Variants in MSH3 observed in about 807,000 individuals in gnomAD.
The protein encoded by MSH3 is DNA mismatch repair protein Msh3.
A neutral mutation model predicts 123.3 loss-of-function variants in MSH3; 106 were observed. The observed-to-expected ratio is 0.86, with a 90% CI of 0.73 to 1.01. The LOEUF (loss-of-function observed/expected upper bound fraction) is 1.01. MSH3 is among the 50% of genes least tolerant of loss of function. The pLI is 0.00. For missense variants in MSH3, 1,459 were observed against 1,347.6 expected (o/e 1.08, Z -1.29); for synonymous variants, 515 against 481.4 (o/e 1.07, Z -0.91).
intron 20 of MSH3, among the ~76,000 whole-genome samples, chr5:80,827,691 T>A (rs1342240996): frequency 1.3e-5 from 2 of 152,214 alleles, no homozygotes; most frequent in East Asian, 3.8e-4. Context: ...ACACTAGTTA[T>A]CTTATTTCAT....
At chr5:80,743,065 T>G (rs28058) in intron 11 of MSH3, among the ~76,000 whole-genome samples, 1 of 152,016 alleles carries the variant, frequency 6.6e-6, no homozygotes, top group East Asian at 1.9e-4. Flanking sequence ...CCACCGCCCC[T>G]CGCCCACCTT....
At chr5:80,740,369 T>C (rs1415120699) in intron 10 of MSH3, among the ~76,000 whole-genome samples, 3 of 151,740 alleles carry the variant, frequency 2.0e-5, no homozygotes, top group Admixed American at 6.6e-5. Flanking sequence ...TCTTTTTTTT[T>C]TTTTTGGAGA....
At chr5:80,812,564 G>A (rs569067564) in intron 19 of MSH3, among the ~76,000 whole-genome samples, 11 of 147,340 alleles carry the variant, frequency 7.5e-5, no homozygotes, top group African/African-American at 2.7e-4. Context: ...ATGCTAGCTA[G>A]GCCCATTGGC....
chr5:80,785,522 G>A (rs1340027638), intron 17 of MSH3, among the ~76,000 whole-genome samples: 1 of 152,298 alleles, frequency 6.6e-6, no homozygotes, highest in Non-Finnish European at 1.5e-5. Flanking sequence ...CTGTAACCTA[G>A]TTCAACCATT....
At chr5:80,864,220 A>G (rs954831063) in intron 21 of MSH3, among the ~76,000 whole-genome samples, 3 of 152,186 alleles carry the variant, frequency 2.0e-5, no homozygotes, top group African/African-American at 7.2e-5. Flanking sequence ...AATTTGGGTA[A>G]GATAAAAAAA....
intron 12 of MSH3, among the ~76,000 whole-genome samples, chr5:80,745,791 C>G (rs1743708004): frequency 6.6e-6 from 1 of 152,170 alleles, no homozygotes; most frequent in Admixed American, 6.5e-5. Flanking sequence ...ATGCTAGGAG[C>G]TTTATGAGCA....
At chr5:80,762,931 C>T (rs1421379552) in intron 13 of MSH3, among the ~76,000 whole-genome samples, 1 of 151,932 alleles carries the variant, frequency 6.6e-6, no homozygotes, top group African/African-American at 2.4e-5. Flanking sequence ...ACTGCAACCT[C>T]TACCTCCCAG....
chr5:80,762,006 GA>G (rs201855246), intron 13 of MSH3, among the ~76,000 whole-genome samples: 30 of 146,316 alleles, frequency 2.1e-4, no homozygotes, highest in African/African-American at 2.5e-4. Flanking sequence ...TGTTATTTTA[GA>G]AAAAAAAAAC....
chr5:80,771,867 A>T (rs1744217886), intron 15 of MSH3, among the ~76,000 whole-genome samples: 1 of 152,116 alleles, frequency 6.6e-6, no homozygotes, highest in Non-Finnish European at 1.5e-5. Flanking sequence ...ATGATTCCTT[A>T]TTGTCTCTAT....
At chr5:80,765,823 A>G (rs1744111980) in intron 13 of MSH3, among the ~76,000 whole-genome samples, 1 of 152,178 alleles carries the variant, frequency 6.6e-6, no homozygotes, top group African/African-American at 2.4e-5. Context: ...TATATCCTCT[A>G]GAACCTTCCT....
At chr5:80,744,436 G>T in intron 11 of MSH3, 70 bp from the exon 12 acceptor site, 1 of 1,066,778 alleles carries the variant, frequency 9.4e-7, no homozygotes, top group East Asian at 2.4e-5. Flanking sequence ...TTAGAATCGG[G>T]GTATATGAAA....
intron 20 of MSH3, among the ~76,000 whole-genome samples, chr5:80,818,402 CAAAA>C (rs71603566): frequency 1.6e-5 from 1 of 63,832 alleles, no homozygotes; most frequent in Non-Finnish European, 2.7e-5. Flanking sequence ...ATAGCAATGA[CAAAA>C]AAAAAAAAAA....
At chr5:80,738,470 A>T (rs778467382) in intron 10 of MSH3, among the ~76,000 whole-genome samples, 4 of 152,182 alleles carry the variant, frequency 2.6e-5, no homozygotes, top group African/African-American at 4.8e-5. Flanking sequence ...AAACCCTGAG[A>T]TAATTGGTAG....
chr5:80,794,658 G>A (rs1208777694), intron 19 of MSH3, among the ~76,000 whole-genome samples: 1 of 152,202 alleles, frequency 6.6e-6, no homozygotes, highest in Non-Finnish European at 1.5e-5. Context: ...GTAGCAGAAG[G>A]GAGAAGGTCT....
Position 80,723,218 on chromosome 5 carries a change from G to A in MSH3, c.1341-2235G>A, listed in dbSNP as rs140894035. Among the ~76,000 whole-genome samples, 245 of 152,234 alleles carry A rather than the reference G, an allele frequency of 1.6e-3. 3 individuals are homozygous for A. The East Asian group carries it at 0.039, about 24-fold the overall frequency. On this transcript the variant is annotated intron_variant, in intron 8 of 23. Transcript: ENST00000265081. The stretch of plus-strand genomic sequence containing the variant: ...AAATCAAAGGGCCAGGAGTAGCCAA[G>A]ACAATCTTGAAGAGCAAGGTAGGGA...
chr5:80,735,155 G>A (rs1304859418), intron 10 of MSH3, among the ~76,000 whole-genome samples: 1 of 152,052 alleles, frequency 6.6e-6, no homozygotes, highest in African/African-American at 2.4e-5. Flanking sequence ...AGGGTGAGGT[G>A]GGCAGATCAC....
chr5:80,798,884 C>G (rs1273666348), intron 19 of MSH3, among the ~76,000 whole-genome samples: 2 of 152,216 alleles, frequency 1.3e-5, no homozygotes, highest in African/African-American at 2.4e-5. Flanking sequence ...AAAACACTGC[C>G]TCTTCCTGAG....
chr5:80,810,705 A>G (rs997418932), intron 19 of MSH3, among the ~76,000 whole-genome samples: 13 of 152,156 alleles, frequency 8.5e-5, no homozygotes, highest in African/African-American at 2.9e-4. Context: ...GCATTATAAT[A>G]CTGAGTCATC....
At chr5:80,770,811 G>A (rs1295851149) in intron 15 of MSH3, among the ~76,000 whole-genome samples, 7 of 152,110 alleles carry the variant, frequency 4.6e-5, no homozygotes, top group Non-Finnish European at 7.4e-5. Context: ...TTGGAAAGAC[G>A]GTCCTGGATT....
Sources: allele counts gnomAD v4.1 joint callset (sites outside exome capture counted in the v4.1 genomes callset), GRCh38; gene constraint gnomAD v4.1.1; transcripts MANE v1.5; gene names NCBI Gene and HGNC (gene_info 2026-07-23, HGNC 2026-07-21).